FBXL20: variants seen among roughly 807,000 people sequenced by gnomAD.
The protein encoded by FBXL20 is F-box/LRR-repeat protein 20.
A neutral mutation model predicts 64.0 loss-of-function variants in FBXL20; 11 were observed. The ratio of observed to expected loss-of-function variants is 0.17; its 90% confidence interval spans 0.11 to 0.28. The LOEUF is 0.28. Among genes scored for constraint, FBXL20 ranks in the 10% least tolerant of loss-of-function variants. The pLI, the probability that FBXL20 is intolerant of heterozygous loss-of-function variation, is 1.00. For synonymous variants in FBXL20, 184 were observed against 189.0 expected (o/e 0.97, Z 0.22); for missense variants, 303 against 526.2 (o/e 0.58, Z 4.15).
chr17:39,335,951 G>T (rs2047517454), intron 2 of FBXL20, among the ~76,000 whole-genome samples: 1 of 152,126 alleles, frequency 6.6e-6, no homozygotes, highest in African/African-American at 2.4e-5. Context: ...AACCAGCCTG[G>T]TCAACAAAGT....
intron 2 of FBXL20, among the ~76,000 whole-genome samples, chr17:39,336,983 T>C (rs1597805504): frequency 6.6e-6 from 1 of 151,674 alleles, no homozygotes; most frequent in African/African-American, 2.4e-5. Context: ...TCCCTCTCCC[T>C]CTCCCCACGG....
intron 6 of FBXL20, among the ~76,000 whole-genome samples, chr17:39,288,397 CTT>C (rs2047007887): frequency 6.6e-6 from 1 of 152,182 alleles, no homozygotes; most frequent in Non-Finnish European, 1.5e-5. Context: ...TCTATATACT[CTT>C]GAGAGAAGCA....
chr17:39,306,794 T>A (rs999796830), intron 2 of FBXL20, among the ~76,000 whole-genome samples: 1 of 152,206 alleles, frequency 6.6e-6, no homozygotes, highest in African/African-American at 2.4e-5. Flanking sequence ...ATTTCTGATA[T>A]TTTGATTTTT....
rs1038617071 is a variant in FBXL20 at position 39,252,732 on chromosome 17, A to G, written c.*8728T>C. 2.0e-5 allele frequency: 3 copies of G among 151,638 alleles called. No individual in the cohort carries two copies. The highest frequency in any genetic ancestry group is 2.1e-4 in the South Asian group (1 of 4,822). The allele number at this position is 151,638 out of a possible 1,614,324, so 9.4% of individuals were successfully genotyped here. On this transcript the variant is annotated 3_prime_UTR_variant, in exon 15 of 15. Transcript: ENST00000264658. ...ACATACAAGAAACAATAATAGTTAC[A>G]TAACAATTTACTTTATATATTTATA...
At chr17:39,269,009 A>C (rs1966915) in intron 11 of FBXL20, 138 bp from the exon 12 acceptor site, 515,436 of 723,106 alleles carry the variant, frequency 0.71, 190,280 homozygotes, top group South Asian at 0.89. Flanking sequence ...TGTCATGCTA[A>C]TTTTTTTTTC....
chr17:39,341,326 T>C lies in FBXL20; in HGVS notation c.104+1854A>G, dbSNP rs545112533. Among the ~76,000 whole-genome samples the C allele has an allele frequency of 1.2e-3, 184 of 152,304 alleles. 1 individual carries two copies. The highest frequency in any genetic ancestry group is 2.2e-3 in the Non-Finnish European group (152 of 68,032). On this transcript the variant is annotated intron_variant, in intron 2 of 14. Coordinates refer to ENST00000264658, the MANE Select transcript of FBXL20 (RefSeq NM_032875.3). ...AGAAAGGAACCAATTTAACCTATAA[T>C]GTATATAAGAGTTATTCCAATATAA... is the stretch of plus-strand genomic sequence containing the variant.
chr17:39,303,294 C>T (rs555573414), intron 3 of FBXL20, among the ~76,000 whole-genome samples: 2 of 151,556 alleles, frequency 1.3e-5, no homozygotes, highest in African/African-American at 4.8e-5. Context: ...AAGATTTCAT[C>T]ACAATTTTGA....
intron 2 of FBXL20, among the ~76,000 whole-genome samples, chr17:39,336,065 T>C (rs2047518758): frequency 6.6e-6 from 1 of 151,620 alleles, no homozygotes; most frequent in African/African-American, 2.4e-5. Flanking sequence ...GGGACTGCCA[T>C]TATCATCCCA....
chr17:39,346,778 G>A (rs564510311), intron 1 of FBXL20, among the ~76,000 whole-genome samples: 1 of 151,802 alleles, frequency 6.6e-6, no homozygotes, highest in Non-Finnish European at 1.5e-5. Flanking sequence ...GTGCCATGTT[G>A]GTGTGCTGCA....
At chr17:39,356,832 T>C (rs2047746135) in intron 1 of FBXL20, among the ~76,000 whole-genome samples, 1 of 151,298 alleles carries the variant, frequency 6.6e-6, no homozygotes, top group Non-Finnish European at 1.5e-5. Flanking sequence ...ATTTTTTTTT[T>C]TTTAATTTTG....
chr17:39,305,935 C>T lies in FBXL20; in HGVS notation c.105-2296G>A, dbSNP rs371647404. The stretch of plus-strand genomic sequence containing the variant: ...CTGGGAGGTGGAGGTTGCAGTGAGC[C>T]GAGATGGTGCCATTGTACTCCAGCC... On this transcript the variant is annotated intron_variant, in intron 2 of 14. Coordinates refer to ENST00000264658, the MANE Select transcript of FBXL20 (RefSeq NM_032875.3). 8.3e-4 allele frequency among the ~76,000 whole-genome samples: 125 copies of T among 150,208 alleles called. 1 individual carries two copies. Among genetic ancestry groups the T allele is most frequent in the African/African-American group, 3.0e-3 (121 of 41,006 alleles).
intron 1 of FBXL20, among the ~76,000 whole-genome samples, chr17:39,391,251 CAA>C (rs746792198): frequency 7.0e-4 from 42 of 60,004 alleles, no homozygotes; most frequent in Non-Finnish European, 7.0e-4. Context: ...CCACCTGTCT[CAA>C]AAAAAAAAAA....
chr17:39,363,818 A>C (rs1474729879), intron 1 of FBXL20, among the ~76,000 whole-genome samples: 1 of 139,882 alleles, frequency 7.1e-6, no homozygotes, highest in Non-Finnish European at 1.5e-5. Flanking sequence ...CTCAAAAAAA[A>C]AAAAAAAACA....
intron 2 of FBXL20, among the ~76,000 whole-genome samples, chr17:39,329,941 C>T (rs1237940907): frequency 6.6e-6 from 1 of 152,118 alleles, no homozygotes; most frequent in African/African-American, 2.4e-5. Flanking sequence ...CTGCAGCAAA[C>T]TATGATTGTG....
intron 2 of FBXL20, among the ~76,000 whole-genome samples, chr17:39,342,542 C>T (rs1328991516): frequency 2.6e-5 from 4 of 152,102 alleles, no homozygotes; most frequent in African/African-American, 4.8e-5. Context: ...AGTGAAATCC[C>T]GTCTCTACTA....
chr17:39,396,596 CAAA>C (rs35394824), intron 1 of FBXL20, among the ~76,000 whole-genome samples: 4 of 103,186 alleles, frequency 3.9e-5, no homozygotes, highest in African/African-American at 3.3e-5. Flanking sequence ...AACTCCGTCT[CAAA>C]AAAAAAAAAA....
At chr17:39,304,249 A>T (rs2047161875) in intron 2 of FBXL20, among the ~76,000 whole-genome samples, 1 of 152,072 alleles carries the variant, frequency 6.6e-6, no homozygotes, top group Non-Finnish European at 1.5e-5. Flanking sequence ...ATTCCCACCT[A>T]AAATTATCAA....
chr17:39,335,617 G>C (rs1337150496), intron 2 of FBXL20, among the ~76,000 whole-genome samples: 1 of 147,138 alleles, frequency 6.8e-6, no homozygotes, highest in East Asian at 2.0e-4. Flanking sequence ...AGGAATCTTT[G>C]AGAAACAACT....
intron 9 of FBXL20, among the ~76,000 whole-genome samples, chr17:39,276,246 G>C (rs2144371018): frequency 6.9e-6 from 1 of 145,656 alleles, no homozygotes; most frequent in African/African-American, 2.5e-5. Context: ...AAAAAAAAGG[G>C]ACGGGAAGGG....
Sources: allele counts gnomAD v4.1 joint callset (sites outside exome capture counted in the v4.1 genomes callset), GRCh38; gene constraint gnomAD v4.1.1; transcripts MANE v1.5; gene names NCBI Gene and HGNC (gene_info 2026-07-23, HGNC 2026-07-21).